The following ST3GAL1 variants were observed in gnomAD, a reference collection of about 807,000 sequenced individuals.
ST3GAL1 encodes CMP-N-acetylneuraminate-beta-galactosamide-alpha-2,3-sialyltransferase 1.
In ST3GAL1, 16 loss-of-function variants were observed where a neutral mutation model predicts 34.1. The observed-to-expected ratio is 0.47, with a 90% CI of 0.32 to 0.71. The LOEUF is 0.71. Among genes scored for constraint, ST3GAL1 ranks in the 30% least tolerant of loss-of-function variants. ST3GAL1 has a pLI of 0.04. For synonymous variants in ST3GAL1, 191 were observed against 184.7 expected, an observed-to-expected ratio of 1.03 and a Z score of -0.28; for missense variants, 353 against 447.4, an observed-to-expected ratio of 0.79 and a Z score of 1.90.
At chr8:133,551,438 A>G (rs1241500123) in intron 1 of ST3GAL1, among the ~76,000 whole-genome samples, 1 of 151,806 alleles carries the variant, frequency 6.6e-6, no homozygotes, top group African/African-American at 2.4e-5. Flanking sequence ...ACTGCACTCC[A>G]GCCTGGCAAC....
chr8:133,510,757 T>C (rs2978016), intron 2 of ST3GAL1, among the ~76,000 whole-genome samples: 34,537 of 152,106 alleles, frequency 0.23, 4,172 homozygotes, highest in African/African-American at 0.27. Context: ...CTCTGAGCAG[T>C]GTCTGGTTTT....
chr8:133,457,718 A>G lies in ST3GAL1; in HGVS notation c.*2046T>C. ...GAAAAATGCTCATATGCAGAGATTC[A>G]GGGAAAAAACCAAACTTGGCACGCA... On this transcript the variant is annotated 3_prime_UTR_variant, in exon 10 of 10. Coordinates refer to ENST00000522652, the MANE Select transcript of ST3GAL1 (RefSeq NM_173344.3). 1 of 152,362 alleles carries G rather than the reference A, an allele frequency of 6.6e-6. No individual in the cohort carries two copies. The highest frequency in any genetic ancestry group is 1.5e-5 in the Non-Finnish European group (1 of 68,046). The allele number at this position is 152,362 out of a possible 1,614,324, so 9.4% of individuals were successfully genotyped here. A position where few individuals can be genotyped will look rare whatever the true frequency, so the allele number is the denominator to read the frequency against.
intron 2 of ST3GAL1, among the ~76,000 whole-genome samples, chr8:133,539,984 T>C (rs1818418938): frequency 6.6e-6 from 1 of 152,204 alleles, no homozygotes; most frequent in Admixed American, 6.5e-5. Flanking sequence ...TTACCTCCAG[T>C]GCTCAGCCAA....
rs774739947 is a variant in ST3GAL1 at position 133,464,792 on chromosome 8, C to T, written c.669G>A (p.Thr223=). Residue 223 remains threonine (T), a synonymous_variant, in exon 7 of 10, where the codon ACG becomes ACA. Transcript: ENST00000522652. Reference sequence around the variant, plus strand: ...GAGGGACTCACTGGGAAATGGTGCCCGTGGTGATGGCGCTCACCACCCACT... The same window carrying T: ...GAGGGACTCACTGGGAAATGGTGCCTGTGGTGATGGCGCTCACCACCCACT... ...DLEWVVSAIT[T]GTISHTYIPV... is the part of the protein sequence containing the mutation. The T allele has an allele frequency of 1.8e-5, 29 of 1,612,812 alleles. No individual in the cohort carries two copies. Among genetic ancestry groups the T allele is most frequent in the African/African-American group, 2.7e-5 (2 of 74,836 alleles).
rs1815868597 is a variant in ST3GAL1 at position 133,469,463 on chromosome 8, C to G, written c.307-3373G>C. Among the ~76,000 whole-genome samples the G allele has an allele frequency of 6.6e-6, 1 of 152,162 alleles. No individual in the cohort carries two copies. Among genetic ancestry groups the G allele is most frequent in the Non-Finnish European group, 1.5e-5 (1 of 68,052 alleles). On this transcript the variant is annotated intron_variant, in intron 5 of 9. Transcript: ENST00000522652. This position sits in a 1 kb window ranked among gnomAD's most constrained non-coding sequence, Gnocchi z 4.3. ...CGAACTCCTGACCTCAGGTGATGAA[C>G]CCGCCTCAGCCTCCCAAAGTGTTGG...
intron 7 of ST3GAL1, among the ~76,000 whole-genome samples, chr8:133,463,878 G>A (rs532550635): frequency 2.0e-5 from 3 of 152,302 alleles, no homozygotes; most frequent in East Asian, 1.9e-4. Flanking sequence ...TGAGTGCAAA[G>A]GTGCCAAAGC....
chr8:133,475,682 C>A (rs747606629), intron 5 of ST3GAL1, 37 bp downstream of exon 5: 2 of 1,529,094 alleles, frequency 1.3e-6, no homozygotes, highest in African/African-American at 1.4e-5. Context: ...CACACCCCAA[C>A]TCTCAGCCCA....
chr8:133,541,114 T>TAAAC, intron 2 of ST3GAL1, among the ~76,000 whole-genome samples: 1 of 44,068 alleles, frequency 2.3e-5, no homozygotes, highest in Non-Finnish European at 4.2e-5. Flanking sequence ...TATATATATA[T>TAAAC]ATATATAGAG....
chr8:133,541,114 T>TAGAGAGAGAGAGAG lies in ST3GAL1; in HGVS notation c.-429+4659_-429+4660insCTCTCTCTCTCTCT, dbSNP rs1299790632. ...ATATAAACATATATATATATATATA[T>TAGAGAGAGAGAGAG]ATATATAGAGAGAGAGAGAGAGAGA... On this transcript the variant is annotated intron_variant, in intron 2 of 9. Transcript: ENST00000522652. 1.9e-3 allele frequency among the ~76,000 whole-genome samples: 84 copies of TAGAGAGAGAGAGAG among 44,048 alleles called. 2 individuals carry two copies. Among genetic ancestry groups the TAGAGAGAGAGAGAG allele is most frequent in the Non-Finnish European group, 2.7e-3 (64 of 24,026 alleles). The allele number at this position is 44,048 out of a possible 152,430, so 28.9% of individuals were successfully genotyped here.
At chr8:133,488,631 T>A (rs573341463) in intron 3 of ST3GAL1, among the ~76,000 whole-genome samples, 1 of 152,302 alleles carries the variant, frequency 6.6e-6, no homozygotes, top group Non-Finnish European at 1.5e-5. Context: ...TGGAGAGCCC[T>A]GACTGGCAGC....
chr8:133,506,308 C>A (rs1225131537), intron 2 of ST3GAL1, among the ~76,000 whole-genome samples: 2 of 152,196 alleles, frequency 1.3e-5, no homozygotes, highest in Non-Finnish European at 2.9e-5. Flanking sequence ...TGATGGGGTC[C>A]TTGTGAGGCT....
At chr8:133,540,904 T>TAG (rs1275291440) in intron 2 of ST3GAL1, among the ~76,000 whole-genome samples, 5 of 125,012 alleles carry the variant, frequency 4.0e-5, no homozygotes, top group Admixed American at 8.3e-5. Flanking sequence ...GACATATATA[T>TAG]AGACATATAT....
chr8:133,519,989 A>C (rs2131025339), intron 2 of ST3GAL1, among the ~76,000 whole-genome samples: 1 of 152,284 alleles, frequency 6.6e-6, no homozygotes, highest in South Asian at 2.1e-4. Flanking sequence ...CCAGTAAAGG[A>C]ATGCGGGCAA....
intron 2 of ST3GAL1, among the ~76,000 whole-genome samples, chr8:133,518,678 G>A (rs1479209605): frequency 1.3e-5 from 2 of 152,202 alleles, no homozygotes; most frequent in Non-Finnish European, 2.9e-5. Context: ...GGTAAACATA[G>A]TGACAAGCAA....
chr8:133,476,146 A>T, intron 4 of ST3GAL1, 72 bp from the exon 5 acceptor site: 1 of 1,146,676 alleles, frequency 8.7e-7, no homozygotes, highest in Non-Finnish European at 1.2e-6. Flanking sequence ...CAGGAATTCC[A>T]AGGGAGGACA....
At chr8:133,567,384 C>T (rs981237556) in intron 1 of ST3GAL1, 11 of 152,200 alleles carry the variant, frequency 7.2e-5, no homozygotes, top group Non-Finnish European at 1.3e-4. Context: ...CCAACCACCA[C>T]CAATAACAAG....
intron 3 of ST3GAL1, among the ~76,000 whole-genome samples, chr8:133,495,849 G>T (rs1249176011): frequency 6.6e-6 from 1 of 152,192 alleles, no homozygotes; most frequent in Non-Finnish European, 1.5e-5. Context: ...TTTGAACTGC[G>T]AATAATAAAG....
intron 3 of ST3GAL1, among the ~76,000 whole-genome samples, chr8:133,498,752 G>A (rs1445393100): frequency 6.6e-6 from 1 of 152,194 alleles, no homozygotes; most frequent in Non-Finnish European, 1.5e-5. Flanking sequence ...CACACGACGA[G>A]GCACCTGGGC....
At chr8:133,475,389 T>C (rs9642912) in intron 5 of ST3GAL1, among the ~76,000 whole-genome samples, 4 of 152,172 alleles carry the variant, frequency 2.6e-5, no homozygotes, top group African/African-American at 9.7e-5. Context: ...TTTTGAGCCA[T>C]GAATTGTGCA....
Sources: gnomAD v4.1 joint callset for allele counts (sites outside exome capture counted in the v4.1 genomes callset) on GRCh38, gnomAD v4.1.1 for gene constraint, Gnocchi (gnomAD v3.1) non-coding constraint, MANE v1.5 for transcripts, NCBI Gene and HGNC (gene_info 2026-07-23, HGNC 2026-07-21) for gene names.